The following MGAT4A variants were observed in gnomAD, a reference collection of about 807,000 sequenced individuals.
The protein encoded by MGAT4A is alpha-1,3-mannosyl-glycoprotein 4-beta-N-acetylglucosaminyltransferase A, also known as N-acetylglucosaminyltransferase IVa.
In MGAT4A, 33 loss-of-function variants were observed where a neutral mutation model predicts 74.1. That is an observed-to-expected ratio of 0.45 (90% CI 0.34 to 0.60). The LOEUF (loss-of-function observed/expected upper bound fraction) is 0.60, where lower values mean the gene tolerates loss of function less well. Among genes scored for constraint, MGAT4A ranks in the 20% least tolerant of loss-of-function variants. The pLI, the probability that MGAT4A is intolerant of heterozygous loss-of-function variation, is 0.02. For missense variants in MGAT4A, 479 were observed against 628.3 expected (o/e 0.76, Z 2.54); for synonymous variants, 198 against 210.4 (o/e 0.94, Z 0.51).
rs1701121988 is a variant in MGAT4A, at chr2:98,624,907, G to A, written c.*659C>T. The A allele has an allele frequency of 1.0e-6, 1 of 984,072 alleles. No individual in the cohort carries two copies. The highest frequency in any genetic ancestry group is 4.7e-5 in the South Asian group (1 of 21,248). The allele number at this position is 984,072 out of a possible 1,614,324, so 61.0% of individuals were successfully genotyped here. A position where few individuals can be genotyped will look rare whatever the true frequency, so the allele number is the denominator to read the frequency against. ...TTTGAAAATATTTTGTTCAGTCACT[G>A]TGATTATAAAAGTACTTCAATTAAG... is the stretch of plus-strand genomic sequence containing the variant. On this transcript the variant is annotated 3_prime_UTR_variant, in exon 16 of 16. Transcript: ENST00000393487.
At chr2:98,660,416 G>GCACACACACA (rs1295134416) in intron 5 of MGAT4A, among the ~76,000 whole-genome samples, 1 of 84,824 alleles carries the variant, frequency 1.2e-5, no homozygotes, top group Non-Finnish European at 3.0e-5. Context: ...ACACACGCAC[G>GCACACACACA]CGCACACACA....
chr2:98,691,125 C>A (rs1702189093), intron 2 of MGAT4A, among the ~76,000 whole-genome samples: 1 of 152,126 alleles, frequency 6.6e-6, no homozygotes, highest in Non-Finnish European at 1.5e-5. Flanking sequence ...GGGAAAAGTA[C>A]AGTCCTGCCC....
chr2:98,729,952 T>C (rs937508186), intron 1 of MGAT4A, among the ~76,000 whole-genome samples: 1 of 152,244 alleles, frequency 6.6e-6, no homozygotes, highest in African/African-American at 2.4e-5. Context: ...GCTTACGTAA[T>C]GTCATCGCCC....
chr2:98,720,384 C>T (rs1321518019), intron 2 of MGAT4A, among the ~76,000 whole-genome samples: 2 of 152,210 alleles, frequency 1.3e-5, no homozygotes, highest in Non-Finnish European at 2.9e-5. Context: ...TGTTTCTGGT[C>T]TGAGCTAGGA....
At chr2:98,647,845 G>T (rs1701517753) in intron 8 of MGAT4A, among the ~76,000 whole-genome samples, 1 of 152,198 alleles carries the variant, frequency 6.6e-6, no homozygotes, top group Admixed American at 6.5e-5. Flanking sequence ...AGTAACCCCT[G>T]ACTCTACTGC....
At chr2:98,666,238 T>C (rs1209710041) in intron 4 of MGAT4A, among the ~76,000 whole-genome samples, 1 of 151,840 alleles carries the variant, frequency 6.6e-6, no homozygotes, top group Admixed American at 6.6e-5. Flanking sequence ...AGGGGAGGAA[T>C]CAAGGGTGAC....
At chr2:98,628,811 T>C (rs1316575002) in intron 14 of MGAT4A, among the ~76,000 whole-genome samples, 1 of 152,176 alleles carries the variant, frequency 6.6e-6, no homozygotes, top group Non-Finnish European at 1.5e-5. Context: ...TATGTGTGGC[T>C]CTCAAAATAC....
At chr2:98,677,857 G>A (rs1362120173) in intron 3 of MGAT4A, among the ~76,000 whole-genome samples, 2 of 144,202 alleles carry the variant, frequency 1.4e-5, no homozygotes. Flanking sequence ...TTGTGTGGTG[G>A]TTTTTCTCTC....
chr2:98,649,362 G>A (rs1701543147), intron 8 of MGAT4A, among the ~76,000 whole-genome samples: 1 of 152,102 alleles, frequency 6.6e-6, no homozygotes, highest in African/African-American at 2.4e-5. Context: ...TTTAAAATCT[G>A]AGCATTCCAC....
At chr2:98,666,664 G>C (rs1701835107) in intron 4 of MGAT4A, among the ~76,000 whole-genome samples, 1 of 151,742 alleles carries the variant, frequency 6.6e-6, no homozygotes, top group Non-Finnish European at 1.5e-5. Flanking sequence ...CTGTACTCCA[G>C]CCTGGGCGAC....
chr2:98,683,471 T>C (rs928597871), intron 2 of MGAT4A, among the ~76,000 whole-genome samples: 9 of 152,194 alleles, frequency 5.9e-5, no homozygotes, highest in Admixed American at 2.6e-4. Flanking sequence ...AGGAAGATGA[T>C]AGAGGCAAAA....
chr2:98,691,257 C>A (rs1196778859), intron 2 of MGAT4A, among the ~76,000 whole-genome samples: 1 of 152,076 alleles, frequency 6.6e-6, no homozygotes. Flanking sequence ...AGTTCAAGAC[C>A]AGCCTGAGCA....
intron 2 of MGAT4A, among the ~76,000 whole-genome samples, chr2:98,716,455 T>TAAA (rs943946546): frequency 6.6e-6 from 1 of 152,144 alleles, no homozygotes; most frequent in Non-Finnish European, 1.5e-5. Flanking sequence ...CTGTCTCTAC[T>TAAA]AAAAATACAA....
At chr2:98,680,821 G>C (rs888077828) in intron 2 of MGAT4A, among the ~76,000 whole-genome samples, 1 of 152,134 alleles carries the variant, frequency 6.6e-6, no homozygotes, top group African/African-American at 2.4e-5. Context: ...TATAAGAAGA[G>C]ACACATAAGT....
intron 2 of MGAT4A, among the ~76,000 whole-genome samples, chr2:98,717,104 G>T (rs184902887): frequency 2.6e-5 from 4 of 152,260 alleles, no homozygotes; most frequent in Admixed American, 2.0e-4. Flanking sequence ...AAAGGGCCAG[G>T]CATGGTGGCT....
chr2:98,704,455 A>G (rs539146032), intron 2 of MGAT4A, among the ~76,000 whole-genome samples: 4 of 152,188 alleles, frequency 2.6e-5, no homozygotes, highest in African/African-American at 7.2e-5. Flanking sequence ...CAAAAAATAC[A>G]AAACTTAGCA....
In MGAT4A at chr2:98,711,697, C is replaced by A. The variant is rs536434184; in HGVS notation, c.94+14542G>T. Among the ~76,000 whole-genome samples the A allele has an allele frequency of 3.3e-5, 5 of 152,198 alleles. No homozygotes were observed. The South Asian group carries it at 1.0e-3, about 32-fold the overall frequency. ...ACACGTGCATAAGTACCACGTTAGCCTCAATCATGGCTCACTGCAGCCTCA... is the reference window on the plus strand; with the variant it reads ...ACACGTGCATAAGTACCACGTTAGCATCAATCATGGCTCACTGCAGCCTCA... On this transcript the variant is annotated intron_variant, in intron 2 of 15. Transcript: ENST00000393487.
intron 14 of MGAT4A, among the ~76,000 whole-genome samples, chr2:98,628,309 T>C (rs1701176333): frequency 6.6e-6 from 1 of 152,256 alleles, no homozygotes; most frequent in Admixed American, 6.5e-5. Context: ...GCTTTGTTTT[T>C]TGAATACTGA....
chr2:98,694,158 A>C (rs1467250709), intron 2 of MGAT4A: 1 of 153,362 alleles, frequency 6.5e-6, no homozygotes, highest in Non-Finnish European at 1.5e-5. Flanking sequence ...ATGGCCACCT[A>C]CACGAAGGCC....
Sources: allele counts gnomAD v4.1 joint callset (sites outside exome capture counted in the v4.1 genomes callset), GRCh38; gene constraint gnomAD v4.1.1; transcripts MANE v1.5; gene names NCBI Gene and HGNC (gene_info 2026-07-23, HGNC 2026-07-21).